Variants in CUX2 observed in about 807,000 individuals in gnomAD.
CUX2 encodes the protein cut like homeobox 2, also known as homeobox protein cut-like 2.
CUX2 carries 40 observed loss-of-function variants against 144.8 expected under a neutral mutation model. The ratio of observed to expected loss-of-function variants is 0.28; its 90% CI spans 0.21 to 0.36. The LOEUF (loss-of-function observed/expected upper bound fraction) is 0.36. Ranked by LOEUF, CUX2 falls within the 10% of genes least tolerant of loss-of-function variation. The pLI is 1.00. For synonymous variants in CUX2, 827 were observed against 875.6 expected (o/e 0.94, Z 0.98); for missense variants, 1,615 against 1,994.0 (o/e 0.81, Z 3.62).
intron 1 of CUX2, among the ~76,000 whole-genome samples, chr12:111,107,429 A>G (rs113250485): frequency 6.6e-6 from 1 of 152,254 alleles, no homozygotes; most frequent in Non-Finnish European, 1.5e-5. Flanking sequence ...TGTCATGTAC[A>G]TGTCACTTAC....
intron 1 of CUX2, among the ~76,000 whole-genome samples, chr12:111,121,593 C>T (rs1017717800): frequency 1.6e-4 from 25 of 151,720 alleles, no homozygotes; most frequent in African/African-American, 6.1e-4. Flanking sequence ...AACTCCTGGC[C>T]TCAAGGGATC....
At chr12:111,269,170 C>T (rs1884524742) in intron 4 of CUX2, among the ~76,000 whole-genome samples, 1 of 152,202 alleles carries the variant, frequency 6.6e-6, no homozygotes, top group Non-Finnish European at 1.5e-5. Flanking sequence ...GTTAACTATT[C>T]TCCTTATCAT....
chr12:111,099,969 A>G, intron 1 of CUX2: 1 of 457,420 alleles, frequency 2.2e-6, no homozygotes, highest in South Asian at 1.5e-5. Flanking sequence ...TGGGAAGGGA[A>G]CGGCTTTATC....
At chr12:111,278,369 C>T (rs901276680) in intron 4 of CUX2, among the ~76,000 whole-genome samples, 27 of 152,216 alleles carry the variant, frequency 1.8e-4, no homozygotes, top group Non-Finnish European at 3.4e-4. Context: ...TGCAGTGAGC[C>T]GTGATTGTGC....
At chr12:111,104,913 G>T (rs116274401) in intron 1 of CUX2, among the ~76,000 whole-genome samples, 1 of 152,154 alleles carries the variant, frequency 6.6e-6, no homozygotes, top group Non-Finnish European at 1.5e-5. Context: ...TTTGAAGAAA[G>T]GACAGGGATA....
chr12:111,092,147 C>T (rs1484849329), intron 1 of CUX2, among the ~76,000 whole-genome samples: 3 of 152,156 alleles, frequency 2.0e-5, no homozygotes, highest in African/African-American at 7.2e-5. Flanking sequence ...CTTTAGAAAA[C>T]GTTGAGAGCA....
At chr12:111,137,320 G>A (rs1328327621) in intron 1 of CUX2, among the ~76,000 whole-genome samples, 2 of 152,110 alleles carry the variant, frequency 1.3e-5, no homozygotes, top group Non-Finnish European at 2.9e-5. Context: ...GACCAAGTTG[G>A]TCTTAGTGCT....
chr12:111,330,983 A>G (rs1051667914), intron 18 of CUX2, among the ~76,000 whole-genome samples: 9 of 151,446 alleles, frequency 5.9e-5, no homozygotes, highest in African/African-American at 9.7e-5. Context: ...TGAGGAATGC[A>G]TAGGAGTTCA....
chr12:111,138,634 A>T (rs1876085007), intron 1 of CUX2, among the ~76,000 whole-genome samples: 1 of 152,008 alleles, frequency 6.6e-6, no homozygotes, highest in Non-Finnish European at 1.5e-5. Context: ...AATGCTAGGA[A>T]GGAGAGCCAT....
intron 1 of CUX2, among the ~76,000 whole-genome samples, chr12:111,092,737 C>T (rs1872617874): frequency 6.6e-6 from 1 of 151,724 alleles, no homozygotes; most frequent in African/African-American, 2.4e-5. Context: ...TGCAGTGACC[C>T]TCTGAGGAAG....
intron 1 of CUX2, among the ~76,000 whole-genome samples, chr12:111,080,319 C>T (rs1871811271): frequency 3.3e-5 from 5 of 152,176 alleles, no homozygotes; most frequent in Admixed American, 3.3e-4. Flanking sequence ...TAGCACTTAA[C>T]ATGATTGAAC....
rs764461992 is a variant in CUX2 at position 111,347,680 on chromosome 12, G to A, written c.3816G>A (p.Val1272=). 1.9e-6 allele frequency: 3 copies of A among 1,613,874 alleles called. No individual in the cohort carries two copies. In the South Asian group the frequency reaches 3.3e-5, roughly 18 times the overall value. Residue 1272 remains valine (V), a synonymous_variant, in exon 22 of 22, where the codon GTG becomes GTA. Coordinates refer to ENST00000261726, the MANE Select transcript of CUX2 (RefSeq NM_015267.4). The part of the protein sequence containing the change: ...DSETEDQKPT[V]KELELQEGPE... ...AGACTGAGGACCAGAAGCCAACCGT[G>A]AAGGAACTGGAGCTTCAGGAGGGCC...
chr12:111,299,038 A>T (rs1466683895), intron 9 of CUX2, among the ~76,000 whole-genome samples: 2 of 152,208 alleles, frequency 1.3e-5, no homozygotes, highest in East Asian at 3.9e-4. Context: ...GTCAGGCAGG[A>T]CTTTAAAAGA....
chr12:111,085,940 T>G (rs1031034425), intron 1 of CUX2, among the ~76,000 whole-genome samples: 3 of 152,202 alleles, frequency 2.0e-5, no homozygotes, highest in African/African-American at 4.8e-5. Context: ...CTGCACTTAT[T>G]ATTGGTTTGG....
chr12:111,196,658 T>A (rs78613612), intron 1 of CUX2, among the ~76,000 whole-genome samples: 2 of 152,214 alleles, frequency 1.3e-5, no homozygotes, highest in African/African-American at 2.4e-5. Flanking sequence ...AACATGTAGA[T>A]GATATATATC....
intron 1 of CUX2, chr12:111,100,052 G>A (rs776774601): frequency 2.8e-5 from 13 of 456,732 alleles, no homozygotes; most frequent in African/African-American, 1.6e-4. Context: ...CCCTCGGAGC[G>A]GGGCTGTGTC....
rs1565926089 is a variant in CUX2, at chr12:111,330,706, T to TAC, written c.2927-3734_2927-3733insCA. ...ATATACATATATATATATATATATA[T>TAC]ATATATATATATATATATATATATA... On this transcript the variant is annotated intron_variant, in intron 18 of 21. Coordinates refer to ENST00000261726, the MANE Select transcript of CUX2 (RefSeq NM_015267.4). 4.5e-3 allele frequency among the ~76,000 whole-genome samples: 103 copies of TAC among 22,906 alleles called. 2 individuals carry two copies. Among genetic ancestry groups the TAC allele is most frequent in the South Asian group, 0.013 (12 of 912 alleles). 15.0% of individuals were successfully genotyped at this position (22,906 alleles called of 152,430 possible).
intron 1 of CUX2, among the ~76,000 whole-genome samples, chr12:111,184,573 C>CAAAAAAAAAAAAAAAAAAAAA (rs71445536): frequency 2.1e-5 from 1 of 46,910 alleles, no homozygotes; most frequent in African/African-American, 6.2e-5. Flanking sequence ...TTCTCTCTAC[C>CAAAAAAAAAAAAAAAAAAAAA]AAAAAAAAAA....
intron 3 of CUX2, among the ~76,000 whole-genome samples, chr12:111,227,222 C>A (rs140252256): frequency 5.9e-4 from 90 of 152,246 alleles, no homozygotes; most frequent in Admixed American, 9.1e-4. Context: ...ATTTGAGTAC[C>A]GACTGGGTGT....
Sources: allele counts gnomAD v4.1 joint callset (sites outside exome capture counted in the v4.1 genomes callset), GRCh38; gene constraint gnomAD v4.1.1; transcripts MANE v1.5; gene names NCBI Gene and HGNC (gene_info 2026-07-23, HGNC 2026-07-21).